The following MSRA variants were observed in gnomAD, a reference collection of about 807,000 sequenced individuals.
MSRA encodes the protein mitochondrial peptide methionine sulfoxide reductase.
A neutral mutation model predicts 31.3 loss-of-function variants in MSRA; 54 were observed. That is an observed-to-expected ratio of 1.73 (90% confidence interval 1.39 to 2.17). The LOEUF is 2.17. Among genes scored for constraint, MSRA ranks in the 30% most tolerant of loss-of-function variants. The probability of loss-of-function intolerance (pLI) is 0.00; values close to 1 mark genes in which losing one functional copy is unlikely to be tolerated. For missense variants in MSRA, 507 were observed against 300.9 expected (o/e 1.69, Z -5.07); for synonymous variants, 169 against 116.5 (o/e 1.45, Z -2.90).
intron 1 of MSRA, among the ~76,000 whole-genome samples, 189 bp downstream of exon 1, chr8:10,054,847 C>G (rs1436533438): frequency 6.6e-6 from 1 of 152,178 alleles, no homozygotes; most frequent in Non-Finnish European, 1.5e-5. Flanking sequence ...ACTGACGTCC[C>G]TTTGTCTTTG....
intron 5 of MSRA, among the ~76,000 whole-genome samples, chr8:10,419,689 T>C (rs1411924781): frequency 6.6e-6 from 1 of 152,168 alleles, no homozygotes. Context: ...TCTCCTAGAA[T>C]CAGGAGGTTA....
chr8:10,118,370 C>G (rs1268346891), intron 1 of MSRA, among the ~76,000 whole-genome samples: 1 of 152,094 alleles, frequency 6.6e-6, no homozygotes, highest in Non-Finnish European at 1.5e-5. Flanking sequence ...AATCATGGCT[C>G]CAACTATGTG....
At chr8:10,074,223 C>G (rs1312439008) in intron 1 of MSRA, among the ~76,000 whole-genome samples, 2 of 151,634 alleles carry the variant, frequency 1.3e-5, no homozygotes, top group Non-Finnish European at 2.9e-5. Flanking sequence ...CCTGGGACTA[C>G]ATGCACCCGC....
chr8:10,344,124 C>T (rs1300985914), intron 5 of MSRA, among the ~76,000 whole-genome samples: 1 of 152,194 alleles, frequency 6.6e-6, no homozygotes, highest in Non-Finnish European at 1.5e-5. Context: ...TTGCATGTAT[C>T]ACCCAAAAGA....
intron 5 of MSRA, among the ~76,000 whole-genome samples, chr8:10,330,084 ACT>A (rs1802607272): frequency 7.3e-6 from 1 of 137,742 alleles, no homozygotes; most frequent in African/African-American, 2.6e-5. Flanking sequence ...GTGGTCTAGC[ACT>A]CTCTTAGTCA....
intron 1 of MSRA, among the ~76,000 whole-genome samples, chr8:10,077,826 T>G (rs990123150): frequency 1.3e-5 from 2 of 152,182 alleles, no homozygotes; most frequent in Admixed American, 1.3e-4. Flanking sequence ...AGGAGACTGT[T>G]GGTGTCCATT....
intron 1 of MSRA, among the ~76,000 whole-genome samples, chr8:10,168,641 G>A (rs1805346638): frequency 6.6e-6 from 1 of 152,186 alleles, no homozygotes; most frequent in Admixed American, 6.5e-5. Context: ...GAGAAGGGAA[G>A]CAACTGGCCC....
chr8:10,194,247 C>A (rs1173461547), intron 1 of MSRA, among the ~76,000 whole-genome samples: 3 of 152,180 alleles, frequency 2.0e-5, no homozygotes, highest in African/African-American at 7.2e-5. Context: ...GCTTGATCCT[C>A]TTAAAATCCT....
intron 5 of MSRA, among the ~76,000 whole-genome samples, chr8:10,331,356 A>G (rs1031292849): frequency 2.6e-5 from 4 of 152,192 alleles, no homozygotes. Flanking sequence ...AGAGGTCTCT[A>G]TGGCCCATTC....
intron 2 of MSRA, among the ~76,000 whole-genome samples, chr8:10,231,291 G>C (rs963121060): frequency 6.6e-6 from 1 of 152,124 alleles, no homozygotes; most frequent in African/African-American, 2.4e-5. Flanking sequence ...AAATTTGAGA[G>C]ACTGGAAACG....
intron 1 of MSRA, among the ~76,000 whole-genome samples, chr8:10,097,087 G>A (rs59910149): frequency 0.032 from 4,913 of 152,022 alleles, 222 homozygotes; most frequent in South Asian, 0.097. Context: ...ATTATTGCGC[G>A]CCTTAAATGA....
At chr8:10,324,030 G>T (rs1244089982) in intron 5 of MSRA, among the ~76,000 whole-genome samples, 1 of 152,088 alleles carries the variant, frequency 6.6e-6, no homozygotes, top group East Asian at 1.9e-4. Flanking sequence ...CAGTGTTTTC[G>T]TACCAGCTAA....
At chr8:10,080,259 A>G (rs1311834246) in intron 1 of MSRA, among the ~76,000 whole-genome samples, 1 of 151,744 alleles carries the variant, frequency 6.6e-6, no homozygotes, top group East Asian at 1.9e-4. Flanking sequence ...AACTAACTTT[A>G]TCCCCCTTAT....
intron 2 of MSRA, among the ~76,000 whole-genome samples, chr8:10,238,526 G>T (rs7828040): frequency 3.9e-5 from 6 of 152,122 alleles, no homozygotes; most frequent in Non-Finnish European, 7.3e-5. Flanking sequence ...AAAAATATTT[G>T]TTGAATAAAT....
chr8:10,271,559 G>T (rs1323996552), intron 3 of MSRA, among the ~76,000 whole-genome samples: 1 of 152,274 alleles, frequency 6.6e-6, no homozygotes, highest in African/African-American at 2.4e-5. Flanking sequence ...TTATATGCAA[G>T]AAACACCTGC....
chr8:10,145,818 G>T (rs753613033), intron 1 of MSRA, among the ~76,000 whole-genome samples: 1 of 151,976 alleles, frequency 6.6e-6, no homozygotes, highest in African/African-American at 2.4e-5. Context: ...ACATACACCC[G>T]CATCTGCACG....
intron 1 of MSRA, among the ~76,000 whole-genome samples, chr8:10,062,405 C>G (rs1028599605): frequency 1.3e-5 from 2 of 152,164 alleles, no homozygotes; most frequent in Non-Finnish European, 2.9e-5. Context: ...ATCATAAACT[C>G]CAAGTTTGAG....
intron 2 of MSRA, among the ~76,000 whole-genome samples, chr8:10,241,297 C>A (rs1335512753): frequency 6.6e-6 from 1 of 152,068 alleles, no homozygotes; most frequent in South Asian, 2.1e-4. Context: ...CCTGTCAAAC[C>A]AGAGAGCAAA....
intron 1 of MSRA, among the ~76,000 whole-genome samples, chr8:10,093,548 T>C (rs1798963512): frequency 6.6e-6 from 1 of 152,204 alleles, no homozygotes; most frequent in South Asian, 2.1e-4. Flanking sequence ...AACAGTTCTA[T>C]GCTTTTGTCA....
Sources: allele counts gnomAD v4.1 joint callset (sites outside exome capture counted in the v4.1 genomes callset), GRCh38; gene constraint gnomAD v4.1.1; transcripts MANE v1.5; gene names NCBI Gene and HGNC (gene_info 2026-07-23, HGNC 2026-07-21).